Variants in AKAP13 observed in about 807,000 individuals in gnomAD.
AKAP13 encodes A-kinase anchoring protein 13.
A neutral mutation model predicts 264.5 loss-of-function variants in AKAP13; 80 were observed. That is an observed-to-expected ratio of 0.30 (90% CI 0.25 to 0.36). AKAP13 has a LOEUF of 0.36. Ranked by LOEUF, AKAP13 falls within the 10% of genes least tolerant of loss-of-function variation. AKAP13 has a pLI of 1.00. For missense variants in AKAP13, 3,712 were observed against 3,435.2 expected, an observed-to-expected ratio of 1.08 and a Z score of -2.01; for synonymous variants, 1,380 against 1,250.2, an observed-to-expected ratio of 1.10 and a Z score of -2.19.
intron 16 of AKAP13, among the ~76,000 whole-genome samples, chr15:85,687,184 C>T (rs1316583282): frequency 6.6e-6 from 1 of 152,064 alleles, no homozygotes; most frequent in Admixed American, 6.6e-5. Context: ...ATTTTACAAA[C>T]TGAGGCACAG....
intron 1 of AKAP13, among the ~76,000 whole-genome samples, chr15:85,431,187 G>A (rs1423268307): frequency 6.6e-6 from 1 of 152,054 alleles, no homozygotes; most frequent in Non-Finnish European, 1.5e-5. Context: ...GCTCACTCTA[G>A]GGCAAGCAAC....
At chr15:85,542,894 C>T (rs1225221766) in intron 4 of AKAP13, among the ~76,000 whole-genome samples, 1 of 152,200 alleles carries the variant, frequency 6.6e-6, no homozygotes, top group Non-Finnish European at 1.5e-5. Flanking sequence ...TGTTACACCT[C>T]TGTGAGTGAG....
intron 9 of AKAP13, among the ~76,000 whole-genome samples, chr15:85,642,919 A>G (rs1458873838): frequency 6.6e-6 from 1 of 151,822 alleles, no homozygotes; most frequent in Non-Finnish European, 1.5e-5. Flanking sequence ...TTTTCCCTCA[A>G]CCATGGAAAG....
At chr15:85,665,218 AAAAAT>A (rs1161307768) in intron 13 of AKAP13, among the ~76,000 whole-genome samples, 1 of 152,226 alleles carries the variant, frequency 6.6e-6, no homozygotes, top group Non-Finnish European at 1.5e-5. Context: ...AGAAAAAAGA[AAAAAT>A]AAAGACTACG....
In AKAP13 at chr15:85,747,698, T is replaced by TG. The variant is rs1188226702; in HGVS notation, c.*3023dup. 1.3e-5 allele frequency: 2 copies of TG among 152,624 alleles called. No individual in the cohort carries two copies. Among genetic ancestry groups the TG allele is most frequent in the East Asian group, 3.9e-4 (2 of 5,194 alleles). The allele number at this position is 152,624 out of a possible 1,614,324, so 9.5% of individuals were successfully genotyped here. A position where few individuals can be genotyped will look rare whatever the true frequency, so the allele number is the denominator to read the frequency against. ...TTGACTGTGTTTTCTTCTTAGAAAA[T>TG]GGAGAGGGTTAAAAACATGCAAACT... On this transcript the variant is annotated 3_prime_UTR_variant, in exon 37 of 37. Coordinates refer to ENST00000394518, the MANE Select transcript of AKAP13 (RefSeq NM_007200.5).
intron 1 of AKAP13, among the ~76,000 whole-genome samples, chr15:85,481,731 C>T (rs1197617034): frequency 1.3e-5 from 2 of 152,136 alleles, no homozygotes; most frequent in East Asian, 1.9e-4. Context: ...TTGACATTTC[C>T]TCCTCTTCAC....
chr15:85,442,498 T>A (rs1243399707), intron 1 of AKAP13, among the ~76,000 whole-genome samples: 1 of 107,534 alleles, frequency 9.3e-6, no homozygotes, highest in Non-Finnish European at 1.9e-5. Context: ...ATAATATATA[T>A]TATATTATAT....
intron 29 of AKAP13, among the ~76,000 whole-genome samples, chr15:85,730,054 T>C (rs2087893228): frequency 6.6e-6 from 1 of 151,936 alleles, no homozygotes; most frequent in Admixed American, 6.5e-5. Flanking sequence ...TAAAGTGTCC[T>C]GAGAAAGAAT....
At chr15:85,664,345 C>T (rs1386169904) in intron 12 of AKAP13, among the ~76,000 whole-genome samples, 3 of 152,032 alleles carry the variant, frequency 2.0e-5, no homozygotes, top group Non-Finnish European at 4.4e-5. Flanking sequence ...AAATTTAATG[C>T]GGTAAGAAAA....
At chr15:85,661,896 A>G (rs2083364516) in intron 12 of AKAP13, among the ~76,000 whole-genome samples, 1 of 112,312 alleles carries the variant, frequency 8.9e-6, no homozygotes, top group Middle Eastern at 4.2e-3. Context: ...CGTAATGGAA[A>G]CACATGAAAA....
intron 1 of AKAP13, among the ~76,000 whole-genome samples, chr15:85,438,690 C>T (rs887759181): frequency 6.6e-6 from 1 of 150,964 alleles, no homozygotes; most frequent in Non-Finnish European, 1.5e-5. Context: ...TGATCTTTGA[C>T]AAACCTGAGA....
In AKAP13 at chr15:85,675,482, G is replaced by C. The variant is rs576816911; in HGVS notation, c.5101+5652G>C. ...GAGATTCCAGAAAGTCTGATAAAGG[G>C]AAGTTCATTTATTAATGTGTCTATC... On this transcript the variant is annotated intron_variant, in intron 14 of 36. Coordinates refer to ENST00000394518, the MANE Select transcript of AKAP13 (RefSeq NM_007200.5). Among the ~76,000 whole-genome samples the C allele has an allele frequency of 5.3e-5, 8 of 152,274 alleles. 1 individual carries two copies. The South Asian group carries it at 1.7e-3, about 32-fold the overall frequency.
At chr15:85,743,391 C>A in intron 35 of AKAP13, 101 bp from the exon 36 acceptor site, 1 of 1,311,570 alleles carries the variant, frequency 7.6e-7, no homozygotes, top group Non-Finnish European at 1.1e-6. Flanking sequence ...TGGGTAAGTA[C>A]CCAGCCAGCA....
chr15:85,403,860 A>G (rs2071544694), intron 1 of AKAP13, among the ~76,000 whole-genome samples: 1 of 151,806 alleles, frequency 6.6e-6, no homozygotes, highest in Admixed American at 6.6e-5. Flanking sequence ...AAAAAAAAAA[A>G]AAAAATCTGA....
At chr15:85,497,712 G>A (rs983154789) in intron 2 of AKAP13, among the ~76,000 whole-genome samples, 2 of 152,146 alleles carry the variant, frequency 1.3e-5, no homozygotes, top group South Asian at 4.1e-4. Context: ...GCTACACATA[G>A]CTAGTGGCTA....
At chr15:85,516,415 T>C (rs1596392087) in intron 2 of AKAP13, among the ~76,000 whole-genome samples, 1 of 152,366 alleles carries the variant, frequency 6.6e-6, no homozygotes, top group East Asian at 1.9e-4. Context: ...AGAGATCATC[T>C]TCTTAATCAC....
intron 18 of AKAP13, among the ~76,000 whole-genome samples, chr15:85,709,670 A>T (rs1374407495): frequency 1.4e-5 from 2 of 140,350 alleles, no homozygotes; most frequent in East Asian, 3.9e-4. Flanking sequence ...ATTTTATTTT[A>T]TTTTATTTTA....
In AKAP13 at chr15:85,748,696, C is replaced by T. The variant is rs1334366515; in HGVS notation, c.*4019C>T. On this transcript the variant is annotated 3_prime_UTR_variant, in exon 37 of 37. Coordinates refer to ENST00000394518, the MANE Select transcript of AKAP13 (RefSeq NM_007200.5). ...TAAAGGCATCTTTCCAAGTACTCAT[C>T]TAATTTAATTGTCAAAAGATTGATA... 6.6e-6 allele frequency: 1 copy of T among 152,092 alleles called. No individual in the cohort carries two copies. The highest frequency in any genetic ancestry group is 1.5e-5 in the Non-Finnish European group (1 of 68,016). 9.4% of individuals were successfully genotyped at this position (152,092 alleles called of 1,614,324 possible).
At chr15:85,471,809 A>AT (rs2074971297) in intron 1 of AKAP13, among the ~76,000 whole-genome samples, 1 of 152,068 alleles carries the variant, frequency 6.6e-6, no homozygotes. Context: ...AGCTCTGTTT[A>AT]TTTTTTCAAA....
Sources: gnomAD v4.1 joint callset for allele counts (sites outside exome capture counted in the v4.1 genomes callset) on GRCh38, gnomAD v4.1.1 for gene constraint, MANE v1.5 for transcripts, NCBI Gene and HGNC (gene_info 2026-07-23, HGNC 2026-07-21) for gene names.